MMP13: variants seen among roughly 807,000 people sequenced by gnomAD.
The protein encoded by MMP13 is matrix metallopeptidase 13.
In MMP13, 45 loss-of-function variants were observed where a neutral mutation model predicts 52.1. That is an observed-to-expected ratio of 0.86 (90% confidence interval 0.68 to 1.11). MMP13 has a LOEUF of 1.11. MMP13 is among the 50% of genes least tolerant of loss of function. The pLI is 0.00. For missense variants in MMP13, 576 were observed against 583.8 expected (o/e 0.99, Z 0.14); for synonymous variants, 200 against 204.4 (o/e 0.98, Z 0.18).
At position 102,951,082 on chromosome 11, in the gene MMP13, A is replaced by G. The variant is rs113817036; in HGVS notation, c.800-855T>C. ...TGTACTGTGGCTTTAACTCTATAAC[A>G]GGTCATCTATAAATAAATACTTGGG... is the stretch of plus-strand genomic sequence containing the variant. On this transcript the variant is annotated intron_variant, in intron 5 of 9. Coordinates refer to ENST00000260302, the MANE Select transcript of MMP13 (RefSeq NM_002427.4). Among the ~76,000 whole-genome samples, 235 of 152,274 alleles carry G rather than the reference A, an allele frequency of 1.5e-3. 2 individuals carry two copies. The highest frequency in any genetic ancestry group is 5.3e-3 in the African/African-American group (222 of 41,564).
In MMP13 at chr11:102,952,016, G is replaced by C. The variant is rs141127894; in HGVS notation, c.795C>G (p.Leu265=). Residue 265 remains leucine, a synonymous_variant, in exon 5 of 10, where the codon CTC becomes CTG. Transcript: ENST00000260302. The surrounding 1 kb of genome is among the most constrained non-coding windows in gnomAD (Gnocchi z 4.3). ...CTATTTCTATAACCGAGTTACCATA[G>C]AGAGACTGGATCCCTTGTACATCGT... ...PDDDVQGIQS[L]YGPGDEDPNP... is the part of the protein sequence containing the mutation. The C allele has an allele frequency of 4.0e-5, 65 of 1,613,058 alleles. No homozygotes were observed. Among genetic ancestry groups the C allele is most frequent in the Middle Eastern group, 3.3e-4 (2 of 6,052 alleles).
chr11:102,955,719 G>A lies in MMP13; in HGVS notation c.-14C>T. ...CCCTGGATGCATCTTGAATGGTGAT[G>A]CCTGGGGACTGTTGTCTTTCCGCAG... is the stretch of plus-strand genomic sequence containing the variant. On this transcript the variant is annotated 5_prime_UTR_variant, in exon 1 of 10. Transcript: ENST00000260302. This position sits in a 1 kb window ranked among gnomAD's most constrained non-coding sequence, Gnocchi z 4.9. 2 of 1,613,814 alleles carry A rather than the reference G, an allele frequency of 1.2e-6. No individual in the cohort carries two copies. The highest frequency in any genetic ancestry group is 8.5e-7 in the Non-Finnish European group (1 of 1,179,842).
intron 9 of MMP13, chr11:102,945,370 C>CAAGG: frequency 1.1e-6 from 1 of 913,106 alleles, no homozygotes; most frequent in Non-Finnish European, 1.4e-6. Flanking sequence ...AATATCCTTG[C>CAAGG]ATTTTGGCAT....
At position 102,955,485 on chromosome 11, in the gene MMP13, CAGGT is replaced by C; in HGVS notation, c.125_128del (p.Tyr42Ter). 6.2e-7 allele frequency: 1 copy of C among 1,613,986 alleles called. No homozygotes were observed. The highest frequency in any genetic ancestry group is 8.5e-7 in the Non-Finnish European group (1 of 1,179,936). On this transcript the variant is annotated frameshift_variant, in exon 2 of 10. Coordinates refer to ENST00000260302, the MANE Select transcript of MMP13 (RefSeq NM_002427.4). LOFTEE classifies it high-confidence loss of function. This position sits in a 1 kb window ranked among gnomAD's most constrained non-coding sequence, Gnocchi z 4.9. ...GATTTGTAGGATGGTAGTATGATCT[CAGGT>C]AGCGCTAGAAAAGACACCAAAATGA...
rs779518494 is a variant in MMP13, at chr11:102,955,636, T to C, written c.70A>G (p.Ser24Gly). 6.2e-7 allele frequency: 1 copy of C among 1,613,856 alleles called. No individual in the cohort carries two copies. Among genetic ancestry groups the C allele is most frequent in the Non-Finnish European group, 8.5e-7 (1 of 1,179,900 alleles). The change falls in exon 1 of 10, where the codon AGT becomes GGT. Residue 24 changes from serine (S) to glycine (G), a missense_variant. Transcript: ENST00000260302. The surrounding 1 kb of genome is among the most constrained non-coding windows in gnomAD (Gnocchi z 4.9). ...GACAAATCATCTTCATCACCACCAC[T>C]GGGAAGGGGCAGGGCCCGACAATGA... ...WTHCRALPLPSGGDEDDLSEE... is the reference protein window; with the variant it reads ...WTHCRALPLPGGGDEDDLSEE...
chr11:102,949,045 T>A lies in MMP13; in HGVS notation c.1031A>T (p.Asp344Val). ...CTTACCTCTGAAGATGAAGATGAGG[T>A]CATGAGAAGGGTGCTCATATGCAGC... is the stretch of plus-strand genomic sequence containing the variant. Reference protein sequence around the residue: ...IDAAYEHPSHDLIFIFRGRKF... With the variant: ...IDAAYEHPSHVLIFIFRGRKF... Residue 344 changes from aspartate (D) to valine (V), a missense_variant, in exon 7 of 10, where the codon GAC becomes GTC. Asp to Val is a radical substitution (Grantham distance 152). Coordinates refer to ENST00000260302, the MANE Select transcript of MMP13 (RefSeq NM_002427.4). The surrounding 1 kb of genome is among the most constrained non-coding windows in gnomAD (Gnocchi z 4.2). 6.2e-7 allele frequency: 1 copy of A among 1,613,812 alleles called. No homozygotes were observed. The highest frequency in any genetic ancestry group is 8.5e-7 in the Non-Finnish European group (1 of 1,179,802).
Position 102,955,120 on chromosome 11 carries a change from A to G in MMP13, c.362+132T>C. On this transcript the variant is annotated intron_variant, in intron 2 of 9. Transcript: ENST00000260302. The surrounding 1 kb of genome is among the most constrained non-coding windows in gnomAD (Gnocchi z 4.9). Reference sequence around the variant, plus strand: ...GTAACAATAATAGATGTTATGAGGTATTCTCGGCAACCATATTAAAGCTAT... The same window carrying G: ...GTAACAATAATAGATGTTATGAGGTGTTCTCGGCAACCATATTAAAGCTAT... The G allele has an allele frequency of 1.0e-6, 1 of 992,420 alleles. No homozygotes were observed. The highest frequency in any genetic ancestry group is 1.5e-6 in the Non-Finnish European group (1 of 661,106). The allele number at this position is 992,420 out of a possible 1,614,324, so 61.5% of individuals were successfully genotyped here.
In MMP13 at chr11:102,943,280, T is replaced by G. The variant is rs1173273045; in HGVS notation, c.*986A>C. 2.0e-5 allele frequency: 3 copies of G among 152,320 alleles called. No homozygotes were observed. Among genetic ancestry groups the G allele is most frequent in the Non-Finnish European group, 4.4e-5 (3 of 68,032 alleles). 9.4% of individuals were successfully genotyped at this position (152,320 alleles called of 1,614,324 possible). Reference sequence around the variant, plus strand: ...TAGTAGACTGCTTTAAAAAAAAATTTGGATGTCTCTTTTTTAATATACATA... The same window carrying G: ...TAGTAGACTGCTTTAAAAAAAAATTGGGATGTCTCTTTTTTAATATACATA... On this transcript the variant is annotated 3_prime_UTR_variant, in exon 10 of 10. Coordinates refer to ENST00000260302, the MANE Select transcript of MMP13 (RefSeq NM_002427.4).
Position 102,949,227 on chromosome 11 carries a change from C to G in MMP13, c.918-69G>C, listed in dbSNP as rs1555017045. On this transcript the variant is annotated intron_variant, in intron 6 of 9. Transcript: ENST00000260302. The surrounding 1 kb of genome is among the most constrained non-coding windows in gnomAD (Gnocchi z 4.2). ...GCAATATTTCTATCCTGCTAGTCAC[C>G]TCTCTCCACATCAACACAGACAAGT... is the stretch of plus-strand genomic sequence containing the variant. 1 of 1,570,800 alleles carries G rather than the reference C, an allele frequency of 6.4e-7. No homozygotes were observed. Among genetic ancestry groups the G allele is most frequent in the African/African-American group, 1.4e-5 (1 of 74,026 alleles).
At chr11:102,947,735 T>C (rs1317505861) in intron 8 of MMP13, among the ~76,000 whole-genome samples, 156 bp downstream of exon 8, 3 of 151,588 alleles carry the variant, frequency 2.0e-5, no homozygotes, top group Non-Finnish European at 2.9e-5. Context: ...TTTAAATACA[T>C]GTCTGAGGGT....
chr11:102,944,128 A>G lies in MMP13; in HGVS notation c.*138T>C, dbSNP rs1476173022. The G allele has an allele frequency of 1.4e-6, 1 of 712,466 alleles. No homozygotes were observed. Among genetic ancestry groups the G allele is most frequent in the Non-Finnish European group, 2.6e-6 (1 of 384,422 alleles). 44.1% of individuals were successfully genotyped at this position (712,466 alleles called of 1,614,324 possible). A position where few individuals can be genotyped will look rare whatever the true frequency, so the allele number is the denominator to read the frequency against. On this transcript the variant is annotated 3_prime_UTR_variant, in exon 10 of 10. Coordinates refer to ENST00000260302, the MANE Select transcript of MMP13 (RefSeq NM_002427.4). ...CCACGCATAGTCATATAGATACTAC[A>G]TATTCAAAGATAACTTACTGAAGCT...
At chr11:102,953,777 T>A (rs923523017) in intron 4 of MMP13, among the ~76,000 whole-genome samples, 1 of 152,218 alleles carries the variant, frequency 6.6e-6, no homozygotes, top group African/African-American at 2.4e-5. Flanking sequence ...ATCTAATTCA[T>A]GTATGACCCA....
At chr11:102,950,289 A>G in intron 5 of MMP13, 62 bp from the exon 6 acceptor site, 3 of 1,293,926 alleles carry the variant, frequency 2.3e-6, no homozygotes, top group South Asian at 1.2e-5. Context: ...CCTGAGTCAC[A>G]GTACAACAGG....
Position 102,948,400 on chromosome 11 carries a change from C to G in MMP13, c.1052-350G>C, listed in dbSNP as rs113727150. Among the ~76,000 whole-genome samples the G allele has an allele frequency of 1.2e-3, 177 of 152,132 alleles. 1 individual carries two copies. Among genetic ancestry groups the G allele is most frequent in the African/African-American group, 4.1e-3 (169 of 41,506 alleles). On this transcript the variant is annotated intron_variant, in intron 7 of 9. Transcript: ENST00000260302. ...GGAAGAGTAAATTAGACTGAAAACT[C>G]AAACGTTACACCAGTTTGAAAGTTA...
chr11:102,944,397 A>G, intron 9 of MMP13, 31 bp from the exon 10 acceptor site: 1 of 1,459,222 alleles, frequency 6.9e-7, no homozygotes. Context: ...ACAATTTCAG[A>G]GTTTGAAAAT....
intron 5 of MMP13, among the ~76,000 whole-genome samples, chr11:102,951,667 A>T (rs1555017343): frequency 6.6e-6 from 1 of 152,102 alleles, no homozygotes; most frequent in African/African-American, 2.4e-5. Flanking sequence ...AGATTTTGTC[A>T]TTGGGTGAAT....
At chr11:102,954,662 A>G in intron 2 of MMP13, 56 bp from the exon 3 acceptor site, 1 of 1,519,320 alleles carries the variant, frequency 6.6e-7, no homozygotes, top group Non-Finnish European at 9.1e-7. Context: ...CTATTTTAGA[A>G]TACATTTTCT....
chr11:102,951,106 G>T (rs1302793928), intron 5 of MMP13, among the ~76,000 whole-genome samples: 2 of 152,064 alleles, frequency 1.3e-5, no homozygotes, highest in Non-Finnish European at 2.9e-5. Flanking sequence ...TAAATACTTG[G>T]GTTGAAGTTT....
chr11:102,945,134 C>T (rs1555016498), intron 9 of MMP13: 3 of 347,510 alleles, frequency 8.6e-6, no homozygotes, highest in South Asian at 2.2e-5. Context: ...ATCCCAGCTA[C>T]TCCAGAGGCT....
Sources: gnomAD v4.1 joint callset for allele counts (sites outside exome capture counted in the v4.1 genomes callset) on GRCh38, gnomAD v4.1.1 for gene constraint, Gnocchi (gnomAD v3.1) non-coding constraint, MANE v1.5 for transcripts, NCBI Gene and HGNC (gene_info 2026-07-23, HGNC 2026-07-21) for gene names.